The following BICD1 variants were observed in gnomAD, a reference collection of about 807,000 sequenced individuals.
BICD1 encodes protein bicaudal D homolog 1.
Under a neutral mutation model 92.5 loss-of-function variants are expected in BICD1, and 35 were observed. The ratio of observed to expected loss-of-function variants is 0.38; its 90% CI spans 0.29 to 0.50. BICD1 has a LOEUF of 0.50. Among genes scored for constraint, BICD1 ranks in the 20% least tolerant of loss-of-function variants. The pLI is 0.93. For missense variants in BICD1, 950 were observed against 1,189.8 expected, an observed-to-expected ratio of 0.80 and a Z score of 2.97; for synonymous variants, 429 against 465.1, an observed-to-expected ratio of 0.92 and a Z score of 1.00.
chr12:32,247,446 G>A (rs1415860667), intron 2 of BICD1, among the ~76,000 whole-genome samples: 4 of 152,140 alleles, frequency 2.6e-5, no homozygotes, highest in African/African-American at 9.6e-5. Flanking sequence ...CAGACACTCT[G>A]GTGTACAGAA....
At chr12:32,321,501 T>A (rs538158673) in intron 4 of BICD1, among the ~76,000 whole-genome samples, 5 of 151,968 alleles carry the variant, frequency 3.3e-5, no homozygotes, top group African/African-American at 1.2e-4. Context: ...AAAAATAAAA[T>A]CTCCAGTTCC....
At chr12:32,223,849 G>A (rs957706014) in intron 2 of BICD1, among the ~76,000 whole-genome samples, 1 of 152,172 alleles carries the variant, frequency 6.6e-6, no homozygotes, top group Non-Finnish European at 1.5e-5. Flanking sequence ...TCTTATGTCA[G>A]GGAATAGGAA....
Position 32,328,130 on chromosome 12 carries a change from T to C in BICD1, c.1675T>C (p.Leu559=), listed in dbSNP as rs1308571671. The change falls in exon 5 of 10, where the codon TTG becomes CTG. Residue 559 remains leucine (L), a synonymous_variant. Transcript: ENST00000652176. This position sits in a 1 kb window ranked among gnomAD's most constrained non-coding sequence, Gnocchi z 4.4. ...AGGGCCCGATGATCCCAGAGGACTT[T>C]TGTCCCCACGATTAGCCAGGCGGGG... ...LKGPDDPRGL[L]SPRLARRGVS... The C allele has an allele frequency of 1.9e-6, 3 of 1,614,122 alleles. No homozygotes were observed. Among genetic ancestry groups the C allele is most frequent in the Non-Finnish European group, 1.7e-6 (2 of 1,180,002 alleles).
At chr12:32,359,951 C>T (rs1207250409) in intron 8 of BICD1, among the ~76,000 whole-genome samples, 2 of 151,990 alleles carry the variant, frequency 1.3e-5, no homozygotes, top group African/African-American at 2.4e-5. Flanking sequence ...TTTGGGAGGC[C>T]GAGGCAGGCA....
rs372816069 is a variant in BICD1, at chr12:32,327,442, C to G, written c.1006-19C>G. The G allele has an allele frequency of 4.4e-6, 7 of 1,579,950 alleles. No individual in the cohort carries two copies. Among genetic ancestry groups the G allele is most frequent in the Admixed American group, 1.8e-5 (1 of 56,236 alleles). On this transcript the variant is annotated intron_variant, in intron 4 of 9. Coordinates refer to ENST00000652176, the MANE Select transcript of BICD1 (RefSeq NM_001714.4). ...GTGCTGCCTTGAGGTGATTCAGAAA[C>G]TTTCTTTTGCCATTGCAGGTAGAGC...
intron 1 of BICD1, among the ~76,000 whole-genome samples, chr12:32,152,025 C>T (rs947786819): frequency 6.6e-6 from 1 of 152,072 alleles, no homozygotes; most frequent in African/African-American, 2.4e-5. Flanking sequence ...GGCGCGTTCT[C>T]AGCTCACTGC....
intron 4 of BICD1, among the ~76,000 whole-genome samples, chr12:32,325,910 A>G (rs951223984): frequency 1.3e-5 from 2 of 151,724 alleles, no homozygotes; most frequent in Admixed American, 1.3e-4. Flanking sequence ...GTGAAACCCC[A>G]GCTCTACTAA....
At chr12:32,297,369 G>A (rs1947903479) in intron 3 of BICD1, among the ~76,000 whole-genome samples, 1 of 151,950 alleles carries the variant, frequency 6.6e-6, no homozygotes, top group Non-Finnish European at 1.5e-5. Flanking sequence ...GCTAATTTTT[G>A]TATTTTTAGT....
chr12:32,155,814 C>G (rs370986149), intron 1 of BICD1, among the ~76,000 whole-genome samples: 1 of 152,180 alleles, frequency 6.6e-6, no homozygotes, highest in Non-Finnish European at 1.5e-5. Flanking sequence ...GATTTATAAT[C>G]TTTTAAAGTT....
chr12:32,338,742 AC>A lies in BICD1; in HGVS notation c.2571-43del, dbSNP rs1271431367. 4 of 1,504,284 alleles carry A rather than the reference AC, an allele frequency of 2.7e-6. 1 individual carries two copies. The African/African-American group carries it at 5.8e-5, about 22-fold the overall frequency. The allele number at this position is 1,504,284 out of a possible 1,614,324, so 93.2% of individuals were successfully genotyped here. On this transcript the variant is annotated intron_variant, in intron 7 of 9. Transcript: ENST00000652176. ...GGCGTTAAAAGGTAATTAAAGTAAA[AC>A]TTTTTTGTTTCCTATATGTATTTTT...
At chr12:32,361,953 G>A (rs1486121095) in intron 8 of BICD1, among the ~76,000 whole-genome samples, 1 of 152,216 alleles carries the variant, frequency 6.6e-6, no homozygotes, top group Non-Finnish European at 1.5e-5. Flanking sequence ...ATCTGGGCCA[G>A]GTGTGGAGCC....
intron 1 of BICD1, among the ~76,000 whole-genome samples, chr12:32,148,479 A>G (rs1445883884): frequency 6.6e-6 from 1 of 152,202 alleles, no homozygotes; most frequent in Non-Finnish European, 1.5e-5. Context: ...GGTTTTGTGC[A>G]TCAGTCTCCT....
chr12:32,370,358 A>G (rs1031339188), intron 9 of BICD1, among the ~76,000 whole-genome samples: 3 of 142,366 alleles, frequency 2.1e-5, no homozygotes, highest in African/African-American at 8.9e-5. Context: ...AGAGCAAAAA[A>G]GAAAAAAAAA....
chr12:32,362,036 T>A (rs979913261), intron 8 of BICD1, among the ~76,000 whole-genome samples: 1 of 152,220 alleles, frequency 6.6e-6, no homozygotes, highest in Non-Finnish European at 1.5e-5. Flanking sequence ...AGTGGGCTCC[T>A]GGACTCCCTA....
intron 2 of BICD1, among the ~76,000 whole-genome samples, chr12:32,262,018 A>G (rs1319889076): frequency 6.6e-6 from 1 of 150,410 alleles, no homozygotes; most frequent in Non-Finnish European, 1.5e-5. Context: ...ACCCAGTAAT[A>G]TATGGGTTGT....
At chr12:32,171,958 C>T (rs1005182483) in intron 1 of BICD1, among the ~76,000 whole-genome samples, 4 of 143,832 alleles carry the variant, frequency 2.8e-5, no homozygotes, top group Admixed American at 1.4e-4. Flanking sequence ...CACACACACA[C>T]ACACACACAC....
intron 2 of BICD1, among the ~76,000 whole-genome samples, chr12:32,287,729 A>T (rs1485437574): frequency 6.6e-6 from 1 of 152,066 alleles, no homozygotes; most frequent in Non-Finnish European, 1.5e-5. Flanking sequence ...AGTAGAAACG[A>T]GGTTTCACCG....
intron 8 of BICD1, among the ~76,000 whole-genome samples, chr12:32,356,620 G>A (rs868257469): frequency 6.6e-6 from 1 of 150,868 alleles, no homozygotes; most frequent in African/African-American, 2.5e-5. Context: ...GTGACAGAGT[G>A]AGACTCCATC....
At position 32,337,721 on chromosome 12, in the gene BICD1, A is replaced by T. The variant is rs1367234555; in HGVS notation, c.2475A>T (p.Ala825=). 1.2e-6 allele frequency: 2 copies of T among 1,614,192 alleles called. No individual in the cohort carries two copies. Among genetic ancestry groups the T allele is most frequent in the Non-Finnish European group, 1.7e-6 (2 of 1,180,030 alleles). The part of the protein sequence containing the change: ...KIGSPKVSGE[A]SVTVPTIDTY... ...GCAGCCCTAAAGTAAGTGGGGAGGC[A>T]TCAGTCACCGTGCCCACCATAGACA... Residue 825 remains alanine, a synonymous_variant, in exon 7 of 10, where the codon GCA becomes GCT. Transcript: ENST00000652176. This position sits in a 1 kb window ranked among gnomAD's most constrained non-coding sequence, Gnocchi z 4.7.
Sources: gnomAD v4.1 joint callset for allele counts (sites outside exome capture counted in the v4.1 genomes callset) on GRCh38, gnomAD v4.1.1 for gene constraint, Gnocchi (gnomAD v3.1) non-coding constraint, MANE v1.5 for transcripts, NCBI Gene and HGNC (gene_info 2026-07-23, HGNC 2026-07-21) for gene names.